The following ATP10B variants were observed in gnomAD, a reference collection of about 807,000 sequenced individuals.
ATP10B encodes phospholipid-transporting ATPase VB.
ATP10B carries 122 observed loss-of-function variants against 141.2 expected under a neutral mutation model. The observed-to-expected ratio is 0.86, with a 90% CI of 0.75 to 1.00. The LOEUF (loss-of-function observed/expected upper bound fraction) is 1.00. Among genes scored for constraint, ATP10B ranks in the 50% least tolerant of loss-of-function variants. The pLI is 0.00. For synonymous variants in ATP10B, 685 were observed against 692.0 expected, an observed-to-expected ratio of 0.99 and a Z score of 0.16; for missense variants, 1,876 against 1,825.3, an observed-to-expected ratio of 1.03 and a Z score of -0.51.
At chr5:160,622,756 C>A (rs556007421) in intron 13 of ATP10B, among the ~76,000 whole-genome samples, 171 bp from the exon 14 acceptor site, 10 of 152,306 alleles carry the variant, frequency 6.6e-5, no homozygotes, top group Non-Finnish European at 1.2e-4. Flanking sequence ...GTCCTTCCTG[C>A]CTCTCAGTGC....
At position 160,622,382 on chromosome 5, in the gene ATP10B, G is replaced by A. The variant is rs375394322; in HGVS notation, c.1812+12C>T. 39 of 1,604,980 alleles carry A rather than the reference G, an allele frequency of 2.4e-5. No individual in the cohort carries two copies. Among genetic ancestry groups the A allele is most frequent in the Middle Eastern group, 1.7e-4 (1 of 5,898 alleles). ...CCTTTACCCTCCTCCCCCAGCCATC[G>A]CTGGTCCTTACCCTCTGCCTGGGCT... On this transcript the variant is annotated intron_variant, in intron 14 of 25. Coordinates refer to ENST00000327245, the MANE Select transcript of ATP10B (RefSeq NM_025153.3).
chr5:160,590,844 T>C (rs570662215), intron 23 of ATP10B, among the ~76,000 whole-genome samples: 14 of 152,302 alleles, frequency 9.2e-5, no homozygotes, highest in Admixed American at 6.5e-4. Context: ...CCAGTATAAA[T>C]ATAGCTTTCA....
chr5:160,577,004 C>T (rs912312586), intron 24 of ATP10B, among the ~76,000 whole-genome samples: 5 of 152,190 alleles, frequency 3.3e-5, no homozygotes, highest in African/African-American at 9.7e-5. Flanking sequence ...AACACCTCAG[C>T]TGGAATGCTG....
chr5:160,572,801 T>C (rs905928724), intron 24 of ATP10B, among the ~76,000 whole-genome samples: 2 of 152,252 alleles, frequency 1.3e-5, no homozygotes, highest in African/African-American at 2.4e-5. Context: ...TTCATGCTTA[T>C]AGACAATAAA....
At chr5:160,891,519 A>G in the ATP10B span, among the ~76,000 whole-genome samples, 33 of 152,306 alleles carry the variant, frequency 2.2e-4, 1 homozygote, top group Admixed American at 1.8e-3. Flanking sequence ...GCAGTGGCGC[A>G]GTCTCAACTC....
At chr5:160,878,095 A>C in the ATP10B span, among the ~76,000 whole-genome samples, 1 of 150,956 alleles carries the variant, frequency 6.6e-6, no homozygotes, top group Admixed American at 6.6e-5. Flanking sequence ...AGCCAAAAGA[A>C]CAAAGCTGGA....
At chr5:160,662,574 G>A (rs1226540972) in intron 7 of ATP10B, among the ~76,000 whole-genome samples, 1 of 152,138 alleles carries the variant, frequency 6.6e-6, no homozygotes, top group African/African-American at 2.4e-5. Flanking sequence ...AAATGGTGCT[G>A]GGAAAACTGG....
At chr5:160,735,605 C>T (rs1044073137) in intron 2 of ATP10B, among the ~76,000 whole-genome samples, 1 of 151,630 alleles carries the variant, frequency 6.6e-6, no homozygotes, top group Non-Finnish European at 1.5e-5. Flanking sequence ...AGAAAATCAA[C>T]AAAAAAAATC....
chr5:160,586,383 G>A (rs1445939828), intron 24 of ATP10B, among the ~76,000 whole-genome samples: 2 of 151,954 alleles, frequency 1.3e-5, no homozygotes, highest in African/African-American at 4.8e-5. Flanking sequence ...TCTGTCATTG[G>A]GTATTTGGGT....
chr5:160,682,299 C>T (rs1763454526), intron 6 of ATP10B, among the ~76,000 whole-genome samples: 1 of 152,152 alleles, frequency 6.6e-6, no homozygotes, highest in South Asian at 2.1e-4. Flanking sequence ...TGGCCATGCA[C>T]GTATTTTTTC....
the ATP10B span, among the ~76,000 whole-genome samples, chr5:160,888,412 T>C: frequency 6.6e-6 from 1 of 152,202 alleles, no homozygotes; most frequent in African/African-American, 2.4e-5. Flanking sequence ...CTCATAAACT[T>C]TATTAAGCAG....
At chr5:160,762,740 G>T (rs1769129657) in intron 2 of ATP10B, among the ~76,000 whole-genome samples, 1 of 151,998 alleles carries the variant, frequency 6.6e-6, no homozygotes, top group Non-Finnish European at 1.5e-5. Context: ...GAATGTAAAT[G>T]GCCTAAATGT....
intron 2 of ATP10B, among the ~76,000 whole-genome samples, chr5:160,736,831 A>T (rs1187094817): frequency 2.0e-5 from 3 of 152,172 alleles, no homozygotes; most frequent in Admixed American, 2.0e-4. Flanking sequence ...TTTACCAAAC[A>T]TTTAAAGAAG....
At chr5:160,755,449 A>G (rs1768457291) in intron 2 of ATP10B, among the ~76,000 whole-genome samples, 1 of 152,160 alleles carries the variant, frequency 6.6e-6, no homozygotes, top group African/African-American at 2.4e-5. Context: ...ATAGCCTATT[A>G]CACACCTAGG....
At chr5:160,807,236 G>A (rs1772839208) in intron 1 of ATP10B, among the ~76,000 whole-genome samples, 1 of 152,178 alleles carries the variant, frequency 6.6e-6, no homozygotes. Flanking sequence ...AAGTTTGCTG[G>A]TAAGAGTGAT....
intron 25 of ATP10B, among the ~76,000 whole-genome samples, chr5:160,567,495 G>T (rs950561252): frequency 6.6e-6 from 1 of 152,050 alleles, no homozygotes; most frequent in African/African-American, 2.4e-5. Flanking sequence ...AATCCTTTGG[G>T]GGCCTGGCCC....
At chr5:160,837,779 TAA>T (rs1282661807) in intron 1 of ATP10B, among the ~76,000 whole-genome samples, 1 of 152,140 alleles carries the variant, frequency 6.6e-6, no homozygotes, top group African/African-American at 2.4e-5. Context: ...GAGACCATTT[TAA>T]AGTTATTTCC....
chr5:160,720,466 G>A (rs924849288), intron 2 of ATP10B, among the ~76,000 whole-genome samples: 1 of 152,158 alleles, frequency 6.6e-6, no homozygotes, highest in African/African-American at 2.4e-5. Context: ...CTTTGCTCCA[G>A]GGTCCTCTGG....
chr5:160,895,511 T>C, the ATP10B span, among the ~76,000 whole-genome samples: 1 of 152,158 alleles, frequency 6.6e-6, no homozygotes, highest in Admixed American at 6.5e-5. Context: ...ATCCTAAACA[T>C]ATATGCACCC....
Sources: allele counts gnomAD v4.1 joint callset (sites outside exome capture counted in the v4.1 genomes callset), GRCh38; gene constraint gnomAD v4.1.1; transcripts MANE v1.5; gene names NCBI Gene and HGNC (gene_info 2026-07-23, HGNC 2026-07-21).